CRACD: variants seen among roughly 807,000 people sequenced by gnomAD.
CRACD encodes capping protein inhibiting regulator of actin dynamics, also known as capping protein-inhibiting regulator of actin dynamics.
Under a neutral mutation model 106.8 loss-of-function variants are expected in CRACD, and 56 were observed. The observed-to-expected ratio is 0.52, with a 90% CI of 0.42 to 0.66. CRACD has a LOEUF of 0.66. CRACD is among the 30% of genes least tolerant of loss of function. The pLI is 0.00. For synonymous variants in CRACD, 754 were observed against 670.8 expected (o/e 1.12, Z -1.92); for missense variants, 1,730 against 1,623.2 (o/e 1.07, Z -1.13).
intron 2 of CRACD, among the ~76,000 whole-genome samples, chr4:56,188,956 A>G (rs936801691): frequency 2.0e-5 from 3 of 152,074 alleles, no homozygotes; most frequent in African/African-American, 7.2e-5. Context: ...TGGATCACTT[A>G]AGAATGTGCA....
chr4:56,207,188 T>C (rs1397266451), intron 2 of CRACD, among the ~76,000 whole-genome samples: 1 of 152,236 alleles, frequency 6.6e-6, no homozygotes, highest in African/African-American at 2.4e-5. Flanking sequence ...TATTCCTCCA[T>C]GTGCAACTAT....
At chr4:56,091,364 CTTTTTTT>C (rs60218856) in intron 1 of CRACD, among the ~76,000 whole-genome samples, 1 of 146,724 alleles carries the variant, frequency 6.8e-6, no homozygotes, top group Non-Finnish European at 1.5e-5. Context: ...CAGAGTAGTT[CTTTTTTT>C]TTTTTTTTAA....
At chr4:56,085,132 A>T (rs1047733896) in intron 1 of CRACD, among the ~76,000 whole-genome samples, 7 of 152,156 alleles carry the variant, frequency 4.6e-5, no homozygotes, top group African/African-American at 1.7e-4. Context: ...CTCCACAAGC[A>T]TTCTTTTCCA....
At chr4:56,181,258 GA>G (rs1179887371) in intron 2 of CRACD, among the ~76,000 whole-genome samples, 1 of 152,208 alleles carries the variant, frequency 6.6e-6, no homozygotes, top group Non-Finnish European at 1.5e-5. Flanking sequence ...AGGAAGTCAG[GA>G]GTTGGCCCTG....
intron 1 of CRACD, among the ~76,000 whole-genome samples, chr4:56,087,097 C>T (rs890022998): frequency 6.6e-6 from 1 of 151,994 alleles, no homozygotes; most frequent in Non-Finnish European, 1.5e-5. Flanking sequence ...CTACAACCTC[C>T]GCCTCCCGGG....
chr4:56,241,065 T>C (rs1740341524), intron 2 of CRACD, among the ~76,000 whole-genome samples: 1 of 152,218 alleles, frequency 6.6e-6, no homozygotes, highest in Non-Finnish European at 1.5e-5. Context: ...AAGTCCGTGT[T>C]ACAGTAATTG....
At chr4:56,256,697 T>C (rs1322154410) in intron 2 of CRACD, among the ~76,000 whole-genome samples, 3 of 152,190 alleles carry the variant, frequency 2.0e-5, no homozygotes, top group Non-Finnish European at 4.4e-5. Flanking sequence ...TTAAGCTGAA[T>C]AGGAAGTGGC....
intron 2 of CRACD, among the ~76,000 whole-genome samples, chr4:56,231,250 AAG>A (rs1739601545): frequency 6.6e-6 from 1 of 152,118 alleles, no homozygotes. Flanking sequence ...ATTTTTTTCT[AAG>A]TGTCCCAAGA....
intron 2 of CRACD, among the ~76,000 whole-genome samples, chr4:56,271,248 G>A (rs886775709): frequency 1.8e-4 from 28 of 152,040 alleles, no homozygotes; most frequent in Admixed American, 1.3e-4. Flanking sequence ...TCCAAGGAAA[G>A]AGTGGAATAA....
In CRACD at chr4:56,328,154, C is replaced by G; in HGVS notation, c.*350C>G. On this transcript the variant is annotated 3_prime_UTR_variant, in exon 11 of 11. Transcript: ENST00000682029. ...ACACCATTCAGAACATGTACTTTTG[C>G]CAACCTTTGGTAATGGTTTTTTGAT... The G allele has an allele frequency of 2.6e-6, 1 of 379,632 alleles. No individual in the cohort carries two copies. Among genetic ancestry groups the G allele is most frequent in the Non-Finnish European group, 5.1e-6 (1 of 195,258 alleles). The allele number at this position is 379,632 out of a possible 1,614,324, so 23.5% of individuals were successfully genotyped here. A position where few individuals can be genotyped will look rare whatever the true frequency, so the allele number is the denominator to read the frequency against.
At chr4:56,140,663 CA>C (rs1440192505) in intron 1 of CRACD, among the ~76,000 whole-genome samples, 10 of 152,242 alleles carry the variant, frequency 6.6e-5, no homozygotes, top group African/African-American at 2.4e-4. Context: ...GAAAGACAAA[CA>C]AAAAACAATC....
chr4:56,127,682 T>A (rs914694455), intron 1 of CRACD, among the ~76,000 whole-genome samples: 7 of 152,066 alleles, frequency 4.6e-5, no homozygotes, highest in Non-Finnish European at 1.0e-4. Flanking sequence ...TTCCCTAGGG[T>A]CTCATGAGAT....
intron 8 of CRACD, among the ~76,000 whole-genome samples, chr4:56,319,589 G>GT (rs955041600): frequency 2.6e-5 from 4 of 151,686 alleles, no homozygotes; most frequent in African/African-American, 9.7e-5. Flanking sequence ...GGGTGACAGA[G>GT]TGAGACCCTG....
intron 1 of CRACD, among the ~76,000 whole-genome samples, chr4:56,120,422 T>C (rs1560456866): frequency 6.6e-6 from 1 of 151,986 alleles, no homozygotes; most frequent in African/African-American, 2.4e-5. Context: ...AGTTTTAAAA[T>C]AAAAAAAATT....
In CRACD at chr4:56,315,193, C is replaced by T. The variant is rs200991737; in HGVS notation, c.1691C>T (p.Thr564Met). The T allele has an allele frequency of 2.6e-3, 4,116 of 1,593,006 alleles. 8 individuals are homozygous for T. The highest frequency in any genetic ancestry group is 3.2e-3 in the Non-Finnish European group (3,784 of 1,170,012). Residue 564 changes from threonine to methionine, a missense_variant, in exon 8 of 11, where the codon ACG becomes ATG. Coordinates refer to ENST00000682029, the MANE Select transcript of CRACD (RefSeq NM_001393381.1). This position sits in a 1 kb window ranked among gnomAD's most constrained non-coding sequence, Gnocchi z 4.1. The stretch of plus-strand genomic sequence containing the variant: ...AGCCCCGTGACGCCCGCAAAGGACA[C>T]GGGGCTCACCGCTGCTCCCCAGGAA... The part of the protein sequence containing the change: ...NLSPVTPAKD[T>M]GLTAAPQEPK...
chr4:56,199,777 C>G (rs1737797885), intron 2 of CRACD, among the ~76,000 whole-genome samples: 1 of 151,864 alleles, frequency 6.6e-6, no homozygotes, highest in Admixed American at 6.6e-5. Context: ...CTGCTTTATG[C>G]CTCACTCCCT....
At chr4:56,177,532 A>G (rs1410312620) in intron 1 of CRACD, among the ~76,000 whole-genome samples, 1 of 152,164 alleles carries the variant, frequency 6.6e-6, no homozygotes, top group Admixed American at 6.5e-5. Flanking sequence ...ATGCCCTTGT[A>G]AAATAAGTGT....
At chr4:56,298,806 A>AT (rs1409868095) in intron 4 of CRACD, among the ~76,000 whole-genome samples, 3 of 152,036 alleles carry the variant, frequency 2.0e-5, no homozygotes, top group African/African-American at 7.2e-5. Context: ...GGTGGCACAC[A>AT]CCTGTAATCC....
chr4:56,288,472 G>A (rs1009620002), intron 3 of CRACD: 1 of 154,994 alleles, frequency 6.5e-6, no homozygotes, highest in Non-Finnish European at 1.4e-5. Flanking sequence ...GAGAACATAC[G>A]ATATTTAGTT....
Sources: allele counts gnomAD v4.1 joint callset (sites outside exome capture counted in the v4.1 genomes callset), GRCh38; gene constraint gnomAD v4.1.1; non-coding constraint Gnocchi (gnomAD v3.1); transcripts MANE v1.5; gene names NCBI Gene and HGNC (gene_info 2026-07-23, HGNC 2026-07-21).